OTOA: variants seen among roughly 807,000 people sequenced by gnomAD.
The protein encoded by OTOA is otoancorin, also known as cancer/testis antigen 108.
Under a neutral mutation model 110.8 loss-of-function variants are expected in OTOA, and 70 were observed. That is an observed-to-expected ratio of 0.63 (90% CI 0.52 to 0.77). The LOEUF is 0.77. OTOA is among the 30% of genes least tolerant of loss of function. The pLI is 0.00. For synonymous variants in OTOA, 373 were observed against 431.5 expected, an observed-to-expected ratio of 0.86 and a Z score of 1.68; for missense variants, 917 against 1,075.8, an observed-to-expected ratio of 0.85 and a Z score of 2.06.
At chr16:21,717,801 T>G (rs984960358) in intron 15 of OTOA, among the ~76,000 whole-genome samples, 6 of 152,082 alleles carry the variant, frequency 3.9e-5, no homozygotes, top group African/African-American at 1.4e-4. Context: ...CTGCTCACAG[T>G]GCTGAGTGTG....
At chr16:21,713,885 C>A (rs1280810060) in intron 13 of OTOA, among the ~76,000 whole-genome samples, 1 of 152,166 alleles carries the variant, frequency 6.6e-6, no homozygotes, top group African/African-American at 2.4e-5. Context: ...CTTGACAGTC[C>A]TCTCTGAATT....
chr16:21,705,557 C>A, intron 12 of OTOA: 1 of 484,588 alleles, frequency 2.1e-6, no homozygotes, highest in Non-Finnish European at 3.7e-6. Context: ...TGCCTGTAAT[C>A]CCAGCACTTT....
chr16:21,710,962 C>T (rs987906053), intron 13 of OTOA, among the ~76,000 whole-genome samples: 3 of 152,142 alleles, frequency 2.0e-5, no homozygotes, highest in Admixed American at 2.0e-4. Context: ...GAGATTGTGC[C>T]ACCACACTCC....
intron 19 of OTOA, among the ~76,000 whole-genome samples, chr16:21,727,704 G>A (rs956784370): frequency 1.3e-5 from 2 of 152,092 alleles, no homozygotes; most frequent in Non-Finnish European, 1.5e-5. Flanking sequence ...TGACAGCAGC[G>A]CTCAATTACT....
intron 1 of OTOA, among the ~76,000 whole-genome samples, chr16:21,675,606 T>C (rs1966856286): frequency 6.6e-6 from 1 of 152,138 alleles, no homozygotes; most frequent in Non-Finnish European, 1.5e-5. Flanking sequence ...TATTTTGCTA[T>C]GACTTCAAGT....
chr16:21,695,891 A>T (rs796185096), intron 9 of OTOA, among the ~76,000 whole-genome samples: 19,524 of 43,192 alleles, frequency 0.45, 6,009 homozygotes, highest in Non-Finnish European at 0.49. Context: ...ATATATATAT[A>T]TTTTTTTTTT....
chr16:21,676,773 G>A (rs916166510), intron 1 of OTOA, among the ~76,000 whole-genome samples: 15 of 152,216 alleles, frequency 9.9e-5, no homozygotes, highest in South Asian at 6.2e-4. Flanking sequence ...GTTCCACTCC[G>A]TCTCTTCTGC....
chr16:21,710,011 G>T lies in OTOA; in HGVS notation c.1228G>T (p.Val410Leu). The T allele has an allele frequency of 3.7e-6, 6 of 1,614,070 alleles. No homozygotes were observed. Among genetic ancestry groups the T allele is most frequent in the Non-Finnish European group, 4.2e-6 (5 of 1,179,988 alleles). The change falls in exon 13 of 29, where the codon GTG (valine) becomes TTG (leucine). Residue 410 changes from valine to leucine, a missense_variant. By Grantham distance (32) the Val-to-Leu change is conservative. Transcript: ENST00000646100. ...ACTGGAATCCCTCTCCCCCGAGGCT[G>T]TGCACGGAGCCATCTCCACCCTCAA... ...SQLESLSPEA[V>L]HGAISTLNQV...
At chr16:21,665,607 G>T (rs1966839347) in intron 1 of OTOA, among the ~76,000 whole-genome samples, 1 of 152,090 alleles carries the variant, frequency 6.6e-6, no homozygotes, top group Non-Finnish European at 1.5e-5. Context: ...CAGGGAGGAG[G>T]GTTTGGTGTG....
chr16:21,712,800 G>A (rs532993802), intron 13 of OTOA, among the ~76,000 whole-genome samples: 4 of 151,992 alleles, frequency 2.6e-5, no homozygotes, highest in Non-Finnish European at 4.4e-5. Flanking sequence ...AGCCGAGATC[G>A]CATCACTGAG....
intron 28 of OTOA, among the ~76,000 whole-genome samples, chr16:21,760,061 C>A (rs986898507): frequency 6.6e-5 from 10 of 151,894 alleles, no homozygotes; most frequent in African/African-American, 2.4e-4. Context: ...TTCATTCACC[C>A]CAAGGGCCTA....
chr16:21,695,887 A>ATTTTTTT (rs1205590889), intron 9 of OTOA, among the ~76,000 whole-genome samples: 8 of 61,628 alleles, frequency 1.3e-4, no homozygotes, highest in African/African-American at 2.5e-4. Context: ...ATATATATAT[A>ATTTTTTT]TATATTTTTT....
intron 22 of OTOA, among the ~76,000 whole-genome samples, chr16:21,737,797 T>C (rs71374895): frequency 0.1 from 14,173 of 142,064 alleles, no homozygotes; most frequent in South Asian, 0.2. Context: ...GGATTATAGA[T>C]GTGAGCTACC....
chr16:21,730,643 T>G, intron 20 of OTOA, 194 bp from the exon 21 acceptor site: 2 of 539,656 alleles, frequency 3.7e-6, no homozygotes, highest in Non-Finnish European at 7.0e-6. Flanking sequence ...GATAGTTCCA[T>G]CAAAACTCCC....
intron 6 of OTOA, among the ~76,000 whole-genome samples, chr16:21,682,801 A>C (rs1008098572): frequency 2.6e-5 from 4 of 152,190 alleles, no homozygotes; most frequent in Non-Finnish European, 5.9e-5. Flanking sequence ...ATTTTTACTT[A>C]TGTTTGAATG....
rs557704277 is a variant in OTOA at position 21,736,293 on chromosome 16, G to A, written c.2334G>A (p.Lys778=). The change falls in exon 22 of 29, where the codon AAG becomes AAA. Residue 778 remains lysine (K), a synonymous_variant. Coordinates refer to ENST00000646100, the MANE Select transcript of OTOA (RefSeq NM_144672.4). The stretch of plus-strand genomic sequence containing the variant: ...AGATCCTTCTGCAAGCAGCTTCCAA[G>A]ATGGCCAGGACCCTGCCCACTAAAG... ...FPEILLQAAS[K]MARTLPTKEF... The A allele has an allele frequency of 1.1e-5, 17 of 1,613,938 alleles. No individual in the cohort carries two copies. In the African/African-American group the frequency reaches 1.9e-4, roughly 18 times the overall value.
chr16:21,696,215 C>T (rs1489482491), intron 9 of OTOA, among the ~76,000 whole-genome samples: 1 of 151,814 alleles, frequency 6.6e-6, no homozygotes, highest in Non-Finnish European at 1.5e-5. Flanking sequence ...TTTAAAATTC[C>T]ACTGACATCT....
chr16:21,695,891 A>ATT (rs386384450), intron 9 of OTOA, among the ~76,000 whole-genome samples: 7,979 of 41,502 alleles, frequency 0.19, 1,727 homozygotes, highest in African/African-American at 0.22. Flanking sequence ...ATATATATAT[A>ATT]TTTTTTTTTT....
chr16:21,685,130 G>T (rs938879290), intron 6 of OTOA, 100 bp from the exon 7 acceptor site: 2 of 1,504,180 alleles, frequency 1.3e-6, no homozygotes, highest in Non-Finnish European at 1.8e-6. Context: ...TGTGGTCTCT[G>T]CAGGGAATGA....
Sources: gnomAD v4.1 joint callset for allele counts (sites outside exome capture counted in the v4.1 genomes callset) on GRCh38, gnomAD v4.1.1 for gene constraint, MANE v1.5 for transcripts, NCBI Gene and HGNC (gene_info 2026-07-23, HGNC 2026-07-21) for gene names.